PDE1A: variants seen among roughly 807,000 people sequenced by gnomAD.
PDE1A encodes the protein dual specificity calcium/calmodulin-dependent 3',5'-cyclic nucleotide phosphodiesterase 1A.
PDE1A carries 35 observed loss-of-function variants against 61.7 expected under a neutral mutation model. That is an observed-to-expected ratio of 0.57 (90% CI 0.43 to 0.75). PDE1A has a LOEUF of 0.75. Among genes scored for constraint, PDE1A ranks in the 30% least tolerant of loss-of-function variants. The pLI, the probability that PDE1A is intolerant of heterozygous loss-of-function variation, is 0.00. For synonymous variants in PDE1A, 232 were observed against 213.2 expected (o/e 1.09, Z -0.77); for missense variants, 597 against 630.6 (o/e 0.95, Z 0.57).
At chr2:182,382,036 A>G (rs148188653) in intron 1 of PDE1A, among the ~76,000 whole-genome samples, 1,872 of 152,242 alleles carry the variant, frequency 0.012, 19 homozygotes, top group Middle Eastern at 0.024. Flanking sequence ...TTGACAATAA[A>G]CAAATACATA....
intron 8 of PDE1A, among the ~76,000 whole-genome samples, chr2:182,202,381 C>T (rs940219501): frequency 6.6e-6 from 1 of 152,186 alleles, no homozygotes; most frequent in Admixed American, 6.5e-5. Flanking sequence ...TTCAGCAAGG[C>T]ACTGAACTGT....
intron 13 of PDE1A, among the ~76,000 whole-genome samples, chr2:182,154,937 C>G (rs906914990): frequency 5.3e-5 from 8 of 151,488 alleles, no homozygotes; most frequent in Admixed American, 2.0e-4. Context: ...AGTTGCTTAA[C>G]TTTAAGAATG....
chr2:182,459,061 T>C (rs889620263), intron 2 of PDE1A, among the ~76,000 whole-genome samples: 21 of 152,132 alleles, frequency 1.4e-4, no homozygotes, highest in African/African-American at 4.8e-4. Flanking sequence ...ACTCATGAAG[T>C]ATTTTATGAT....
chr2:182,234,083 T>C (rs946819123), intron 4 of PDE1A, among the ~76,000 whole-genome samples: 1 of 152,200 alleles, frequency 6.6e-6, no homozygotes, highest in African/African-American at 2.4e-5. Context: ...CATTTAACTC[T>C]TCCATAATAT....
chr2:182,676,196 A>T, the PDE1A span, among the ~76,000 whole-genome samples: 4 of 152,188 alleles, frequency 2.6e-5, no homozygotes, highest in Non-Finnish European at 5.9e-5. Flanking sequence ...AAGAGAGAAG[A>T]TCCAAATAAA....
the PDE1A span, among the ~76,000 whole-genome samples, chr2:182,715,856 T>C: frequency 1.2e-4 from 19 of 152,204 alleles, no homozygotes; most frequent in Non-Finnish European, 2.6e-4. Context: ...CCGCCAAATT[T>C]CGCCTTTCGG....
At chr2:182,324,486 T>A (rs552021662) in intron 1 of PDE1A, among the ~76,000 whole-genome samples, 2 of 152,260 alleles carry the variant, frequency 1.3e-5, no homozygotes, top group Admixed American at 6.5e-5. Flanking sequence ...TACCTGTATA[T>A]GAGAAAATTA....
intron 1 of PDE1A, among the ~76,000 whole-genome samples, chr2:182,409,615 C>T (rs910614183): frequency 1.3e-5 from 2 of 152,146 alleles, no homozygotes; most frequent in African/African-American, 2.4e-5. Context: ...ATTCTTACTT[C>T]CTGATGGGCC....
At chr2:182,566,438 A>G in the PDE1A span, among the ~76,000 whole-genome samples, 38 of 151,970 alleles carry the variant, frequency 2.5e-4, 1 homozygote, top group East Asian at 7.1e-3. Flanking sequence ...TAATGGAGGG[A>G]AAGATTTCAG....
At chr2:182,590,487 A>G in the PDE1A span, among the ~76,000 whole-genome samples, 1 of 152,166 alleles carries the variant, frequency 6.6e-6, no homozygotes, top group African/African-American at 2.4e-5. Context: ...ATGTGTGTGC[A>G]CATGATATAG....
chr2:182,703,600 T>C, the PDE1A span, among the ~76,000 whole-genome samples: 1 of 152,160 alleles, frequency 6.6e-6, no homozygotes, highest in South Asian at 2.1e-4. Context: ...ATAAATGGAA[T>C]TGAAAGGCAC....
chr2:182,385,619 C>CAGAAAGAAAGAAGA, intron 1 of PDE1A, among the ~76,000 whole-genome samples: 2 of 39,040 alleles, frequency 5.1e-5, no homozygotes, highest in East Asian at 2.2e-3. Flanking sequence ...ATGAAAGAAA[C>CAGAAAGAAAGAAGA]AGAAAGAAAG....
chr2:182,627,059 T>TAAATATATATATTATTTATATATAA, the PDE1A span, among the ~76,000 whole-genome samples: 2 of 10,964 alleles, frequency 1.8e-4, no homozygotes, highest in African/African-American at 3.3e-4. Flanking sequence ...ATATAAAATA[T>TAAATATATATATTATTTATATATAA]AATATATTAT....
At chr2:182,365,202 T>C (rs1273852770) in intron 1 of PDE1A, among the ~76,000 whole-genome samples, 1 of 152,014 alleles carries the variant, frequency 6.6e-6, no homozygotes, top group African/African-American at 2.4e-5. Flanking sequence ...CTCTTAGTAA[T>C]TACACAGGGA....
chr2:182,687,027 C>A, the PDE1A span, among the ~76,000 whole-genome samples: 12 of 152,212 alleles, frequency 7.9e-5, no homozygotes, highest in Non-Finnish European at 1.6e-4. Flanking sequence ...AACAAAGCAG[C>A]CCGCTGGGAA....
intron 2 of PDE1A, among the ~76,000 whole-genome samples, chr2:182,513,072 T>C (rs376544261): frequency 1.3e-5 from 2 of 152,168 alleles, no homozygotes; most frequent in Admixed American, 1.3e-4. Context: ...CTAGAGAGGT[T>C]GACATTCAAA....
chr2:182,190,431 G>A lies in PDE1A; in HGVS notation c.1126-1371C>T, dbSNP rs1002263805. 1.1e-3 allele frequency among the ~76,000 whole-genome samples: 168 copies of A among 152,320 alleles called. 1 individual carries two copies. Among genetic ancestry groups the A allele is most frequent in the African/African-American group, 4.0e-3 (167 of 41,572 alleles). On this transcript the variant is annotated intron_variant, in intron 10 of 13. Coordinates refer to ENST00000351439, the Ensembl canonical transcript of PDE1A. ...ACTAGTCTTAGAGTCAGAAGATACAGTCAGCTGAATCGCTGCTGTCTAGGG... is the reference window on the plus strand; with the variant it reads ...ACTAGTCTTAGAGTCAGAAGATACAATCAGCTGAATCGCTGCTGTCTAGGG...
chr2:182,302,292 G>A (rs911528209), intron 1 of PDE1A, among the ~76,000 whole-genome samples: 7 of 152,074 alleles, frequency 4.6e-5, no homozygotes, highest in Admixed American at 1.3e-4. Flanking sequence ...ATACCCCTAC[G>A]AGAAACCCTC....
At chr2:182,520,780 A>C (rs962959329) in intron 2 of PDE1A, among the ~76,000 whole-genome samples, 2 of 151,990 alleles carry the variant, frequency 1.3e-5, no homozygotes, top group Non-Finnish European at 2.9e-5. Context: ...GTAATGAGAG[A>C]CATAATTTTC....
Sources: allele counts gnomAD v4.1 joint callset (sites outside exome capture counted in the v4.1 genomes callset), GRCh38; gene constraint gnomAD v4.1.1; transcripts MANE v1.5; gene names NCBI Gene and HGNC (gene_info 2026-07-23, HGNC 2026-07-21).